Variants in STX6 observed in about 807,000 individuals in gnomAD.
The protein encoded by STX6 is syntaxin-6.
Under a neutral mutation model 38.0 loss-of-function variants are expected in STX6, and 23 were observed. That is an observed-to-expected ratio of 0.60 (90% CI 0.43 to 0.86). The LOEUF is 0.86. STX6 is among the 40% of genes least tolerant of loss of function. STX6 has a pLI of 0.00. For missense variants in STX6, 274 were observed against 312.9 expected (o/e 0.88, Z 0.94); for synonymous variants, 123 against 107.5 (o/e 1.14, Z -0.89).
rs754575827 is a variant in STX6, at chr1:181,003,738, A to G, written c.206-1038T>C. On this transcript the variant is annotated intron_variant, in intron 2 of 7. Transcript: ENST00000258301. The stretch of plus-strand genomic sequence containing the variant: ...ACAGAACTCAGAACATGCAAGTGGC[A>G]TATCTTCCATCTAAAGTTTTGGTTA... Among the ~76,000 whole-genome samples, 5 of 152,352 alleles carry G rather than the reference A, an allele frequency of 3.3e-5. No individual in the cohort carries two copies. The South Asian group carries it at 6.2e-4, about 19-fold the overall frequency.
chr1:181,005,063 T>TTATA lies in STX6; in HGVS notation c.205+227_205+230dup, dbSNP rs368308542. 3.3e-3 allele frequency among the ~76,000 whole-genome samples: 499 copies of TTATA among 150,656 alleles called. 5 individuals carry two copies. The highest frequency in any genetic ancestry group is 0.012 in the African/African-American group (481 of 41,150). On this transcript the variant is annotated intron_variant, in intron 2 of 7. Coordinates refer to ENST00000258301, the MANE Select transcript of STX6 (RefSeq NM_005819.6). ...TCATAATCATTACACTATGCTGCCTTTATATATATATATACATTTATAGTA... is the reference window on the plus strand; with the variant it reads ...TCATAATCATTACACTATGCTGCCTTTATATATATATATATATACATTTATAGTA...
rs1655193493 is a variant in STX6 at position 180,974,297 on chromosome 1, A to G, written c.*2273T>C. The G allele has an allele frequency of 6.6e-6, 1 of 152,240 alleles. No homozygotes were observed. Among genetic ancestry groups the G allele is most frequent in the African/African-American group, 2.4e-5 (1 of 41,456 alleles). 9.4% of individuals were successfully genotyped at this position (152,240 alleles called of 1,614,324 possible). A position where few individuals can be genotyped will look rare whatever the true frequency, so the allele number is the denominator to read the frequency against. ...TACGGGTAGAATGCACTGTATTGTTAGTTAACTTTCTAAATTGTTCTCTAT... is the reference window on the plus strand; with the variant it reads ...TACGGGTAGAATGCACTGTATTGTTGGTTAACTTTCTAAATTGTTCTCTAT... On this transcript the variant is annotated 3_prime_UTR_variant, in exon 8 of 8. Transcript: ENST00000258301.
intron 2 of STX6, among the ~76,000 whole-genome samples, chr1:181,003,109 C>T (rs1206528243): frequency 1.3e-5 from 2 of 152,238 alleles, no homozygotes; most frequent in Admixed American, 1.3e-4. Flanking sequence ...AAGATGCTAA[C>T]CCTACTTCTT....
Position 181,022,669 on chromosome 1 carries a change from G to T in STX6, c.5C>A (p.Ser2Tyr). Reference sequence around the variant, plus strand: ...CACCACAAAGAAGGGGTCCTCCATGGACATGGCGTCCCGGCCCCGGCCGCC... The same window carrying T: ...CACCACAAAGAAGGGGTCCTCCATGTACATGGCGTCCCGGCCCCGGCCGCC... Reference protein sequence around the residue: MSMEDPFFVVKG... With the variant: MYMEDPFFVVKG... The change falls in exon 1 of 8, where the codon TCC becomes TAC. Residue 2 changes from serine (S) to tyrosine (Y), a missense_variant. Physicochemically the swap from Ser to Tyr is moderately radical, Grantham distance 144 (BLOSUM62 -2). Transcript: ENST00000258301. 1 of 1,609,582 alleles carries T rather than the reference G, an allele frequency of 6.2e-7. No homozygotes were observed. Among genetic ancestry groups the T allele is most frequent in the Non-Finnish European group, 8.5e-7 (1 of 1,178,276 alleles).
In STX6 at chr1:181,022,683, G is replaced by A. The variant is rs1656778082; in HGVS notation, c.-10C>T. 1 of 1,606,202 alleles carries A rather than the reference G, an allele frequency of 6.2e-7. No homozygotes were observed. Among genetic ancestry groups the A allele is most frequent in the African/African-American group, 1.3e-5 (1 of 74,812 alleles). ...GGTCCTCCATGGACATGGCGTCCCG[G>A]CCCCGGCCGCCTTCACCTCCTCCGC... On this transcript the variant is annotated 5_prime_UTR_variant, in exon 1 of 8. Transcript: ENST00000258301.
intron 7 of STX6, among the ~76,000 whole-genome samples, chr1:180,982,323 A>G (rs1655441437): frequency 2.6e-5 from 4 of 152,202 alleles, no homozygotes. Flanking sequence ...ACCAAGCAGG[A>G]AGAGGTCCTT....
At chr1:181,000,197 T>C (rs906581601) in intron 3 of STX6, among the ~76,000 whole-genome samples, 3 of 152,312 alleles carry the variant, frequency 2.0e-5, no homozygotes, top group Non-Finnish European at 2.9e-5. Flanking sequence ...TTGAGTATGG[T>C]TTAGATCTCA....
At chr1:181,003,777 G>C (rs1464650443) in intron 2 of STX6, among the ~76,000 whole-genome samples, 1 of 151,988 alleles carries the variant, frequency 6.6e-6, no homozygotes, top group Non-Finnish European at 1.5e-5. Flanking sequence ...GGGATTTCCA[G>C]TTGGAAAAAA....
chr1:181,009,133 T>C (rs1049754281), intron 1 of STX6, among the ~76,000 whole-genome samples: 1 of 152,112 alleles, frequency 6.6e-6, no homozygotes, highest in Non-Finnish European at 1.5e-5. Context: ...ATATCCAGAA[T>C]ATATATTTTT....
intron 1 of STX6, among the ~76,000 whole-genome samples, chr1:181,015,125 T>C (rs1656518691): frequency 6.6e-6 from 1 of 152,206 alleles, no homozygotes; most frequent in African/African-American, 2.4e-5. Context: ...GATCCCAATG[T>C]TTCTCAGTAC....
At chr1:181,007,853 AT>A (rs1303456558) in intron 1 of STX6, among the ~76,000 whole-genome samples, 2 of 152,344 alleles carry the variant, frequency 1.3e-5, no homozygotes, top group East Asian at 3.9e-4. Context: ...CATGTTAACA[AT>A]GTTTTTATTT....
At chr1:180,996,086 G>GCA (rs1334469932) in intron 3 of STX6, among the ~76,000 whole-genome samples, 15 of 152,146 alleles carry the variant, frequency 9.9e-5, no homozygotes, top group Non-Finnish European at 2.1e-4. Context: ...AACTAGAACA[G>GCA]CACTTTGAAA....
At chr1:181,005,268 G>A (rs749592501) in intron 2 of STX6, 26 bp downstream of exon 2, 7 of 1,599,156 alleles carry the variant, frequency 4.4e-6, no homozygotes, top group Non-Finnish European at 5.1e-6. Context: ...TATCCCGAAT[G>A]GCACAGACAC....
chr1:181,018,527 G>T (rs867561812), intron 1 of STX6, among the ~76,000 whole-genome samples: 2 of 149,604 alleles, frequency 1.3e-5, no homozygotes, highest in Admixed American at 6.7e-5. Context: ...GCCCTTCTAC[G>T]TACAAGCTTA....
chr1:180,988,223 G>T lies in STX6; in HGVS notation c.596+16C>A. 1.9e-6 allele frequency: 3 copies of T among 1,593,666 alleles called. No individual in the cohort carries two copies. The highest frequency in any genetic ancestry group is 2.6e-6 in the Non-Finnish European group (3 of 1,161,578). On this transcript the variant is annotated intron_variant, in intron 6 of 7. Transcript: ENST00000258301. ...CCTCAATTTCACTGAAGCGAGAGGG[G>T]TGTCTCAATACTCACACTGCCTGTT...
At chr1:181,021,559 A>T (rs1000705587) in intron 1 of STX6, among the ~76,000 whole-genome samples, 1 of 152,252 alleles carries the variant, frequency 6.6e-6, no homozygotes, top group South Asian at 2.1e-4. Flanking sequence ...ACTAGTAAAA[A>T]GCAAGGGACA....
At position 180,980,917 on chromosome 1, in the gene STX6, G is replaced by A. The variant is rs181419498; in HGVS notation, c.691+3760C>T. The stretch of plus-strand genomic sequence containing the variant: ...CTTAGATGCACACTGCTAAGTGAGA[G>A]AAGCCAATCTGAAAAGGATCTGTGA... On this transcript the variant is annotated intron_variant, in intron 7 of 7. Transcript: ENST00000258301. Among the ~76,000 whole-genome samples the A allele has an allele frequency of 7.7e-3, 1,169 of 152,268 alleles. 9 individuals are homozygous for A. The highest frequency in any genetic ancestry group is 0.012 in the Non-Finnish European group (820 of 68,018).
intron 1 of STX6, among the ~76,000 whole-genome samples, chr1:181,013,318 ATCC>A (rs1656464031): frequency 6.6e-6 from 1 of 152,086 alleles, no homozygotes. Flanking sequence ...AACCCCCATC[ATCC>A]TTTTTCCTGT....
At chr1:180,986,880 G>A (rs1571329955) in intron 6 of STX6, among the ~76,000 whole-genome samples, 1 of 152,082 alleles carries the variant, frequency 6.6e-6, no homozygotes, top group African/African-American at 2.4e-5. Context: ...CAGGCCATTA[G>A]TCCTTTCCCC....
Sources: gnomAD v4.1 joint callset for allele counts (sites outside exome capture counted in the v4.1 genomes callset) on GRCh38, gnomAD v4.1.1 for gene constraint, MANE v1.5 for transcripts, NCBI Gene and HGNC (gene_info 2026-07-23, HGNC 2026-07-21) for gene names.